TENM2: variants seen among roughly 807,000 people sequenced by gnomAD.
TENM2 encodes the protein teneurin-2.
TENM2 carries 52 observed loss-of-function variants against 245.2 expected under a neutral mutation model. The ratio of observed to expected loss-of-function variants is 0.21; its 90% CI spans 0.17 to 0.27. The LOEUF is 0.27. Ranked by LOEUF, TENM2 falls within the 10% of genes least tolerant of loss-of-function variation. TENM2 has a pLI of 1.00. For missense variants in TENM2, 3,046 were observed against 3,666.8 expected, an observed-to-expected ratio of 0.83 and a Z score of 4.37; for synonymous variants, 1,363 against 1,438.9, an observed-to-expected ratio of 0.95 and a Z score of 1.19.
intron 2 of TENM2, among the ~76,000 whole-genome samples, chr5:167,481,379 A>C (rs2127529055): frequency 6.6e-6 from 1 of 152,278 alleles, no homozygotes; most frequent in Middle Eastern, 3.4e-3. Flanking sequence ...AAAAATCAAA[A>C]CTGGAATAAT....
At chr5:168,224,038 A>T (rs1200085798) in intron 23 of TENM2, among the ~76,000 whole-genome samples, 1 of 152,156 alleles carries the variant, frequency 6.6e-6, no homozygotes, top group Non-Finnish European at 1.5e-5. Context: ...TGATGGCTTC[A>T]TAGGTTTCTA....
chr5:168,083,305 G>A (rs530534939), intron 7 of TENM2, among the ~76,000 whole-genome samples: 19 of 152,320 alleles, frequency 1.2e-4, no homozygotes, highest in Admixed American at 2.0e-4. Flanking sequence ...TTGGAAAAGC[G>A]CAGTATTAGG....
At chr5:167,427,509 GGGAA>G (rs1324293430) in intron 2 of TENM2, among the ~76,000 whole-genome samples, 1 of 149,272 alleles carries the variant, frequency 6.7e-6, no homozygotes, top group Non-Finnish European at 1.5e-5. Context: ...AGAGAAGGAA[GGGAA>G]GGAAGGGAGG....
At chr5:167,718,170 G>A (rs1035396288) in intron 2 of TENM2, among the ~76,000 whole-genome samples, 12 of 152,100 alleles carry the variant, frequency 7.9e-5, no homozygotes, top group East Asian at 1.9e-4. Context: ...AGTCAAGCTC[G>A]GGGGATCTAT....
chr5:167,882,692 T>C lies in TENM2; in HGVS notation c.712+6497T>C, dbSNP rs1487141114. Among the ~76,000 whole-genome samples, 4 of 152,142 alleles carry C rather than the reference T, an allele frequency of 2.6e-5. No individual in the cohort carries two copies. In the East Asian group the frequency reaches 7.7e-4, roughly 29 times the overall value. ...GCCAGATGCCTATAAAACCATCAGA[T>C]CTCATGAGACTCACTCACTATCATG... On this transcript the variant is annotated intron_variant, in intron 3 of 28. Transcript: ENST00000518659.
chr5:167,512,743 C>T (rs987568127), intron 2 of TENM2, among the ~76,000 whole-genome samples: 2 of 152,156 alleles, frequency 1.3e-5, no homozygotes, highest in South Asian at 4.1e-4. Flanking sequence ...TCAGAATTAC[C>T]TATGGAACTC....
intron 5 of TENM2, among the ~76,000 whole-genome samples, chr5:168,013,016 A>T (rs1472985943): frequency 6.6e-6 from 1 of 152,096 alleles, no homozygotes; most frequent in East Asian, 1.9e-4. Flanking sequence ...TATCACATCC[A>T]CCTTCAAAGG....
intron 2 of TENM2, among the ~76,000 whole-genome samples, chr5:167,559,256 A>G (rs1773440937): frequency 6.6e-6 from 1 of 152,122 alleles, no homozygotes; most frequent in Non-Finnish European, 1.5e-5. Context: ...CCAGCAAATC[A>G]TCCCTCCGTT....
intron 1 of TENM2, among the ~76,000 whole-genome samples, chr5:167,338,707 C>T (rs546693346): frequency 2.6e-5 from 4 of 152,240 alleles, no homozygotes; most frequent in Admixed American, 1.3e-4. Flanking sequence ...GGTCTTTTGT[C>T]AAAGAAGCAG....
chr5:167,156,848 C>T, the TENM2 span, among the ~76,000 whole-genome samples: 4 of 152,262 alleles, frequency 2.6e-5, no homozygotes, highest in East Asian at 1.9e-4. Flanking sequence ...GTCTTGGCAC[C>T]GCTTGTTTCT....
chr5:168,247,833 C>T lies in TENM2; in HGVS notation c.6894C>T (p.Val2298=), dbSNP rs747209026. ...ACAACAAGGCCAGCGGGTGGAGTGT[C>T]CAGTACCGCTATGATGGCGTAGGAC... Residue 2298 remains valine, a synonymous_variant, in exon 27 of 29, where the codon GTC becomes GTT. Transcript: ENST00000518659. The surrounding 1 kb of genome is among the most constrained non-coding windows in gnomAD (Gnocchi z 7.8). The T allele has an allele frequency of 2.5e-6, 4 of 1,613,996 alleles. No individual in the cohort carries two copies. Among genetic ancestry groups the T allele is most frequent in the Non-Finnish European group, 3.4e-6 (4 of 1,179,888 alleles).
intron 24 of TENM2, among the ~76,000 whole-genome samples, chr5:168,226,870 T>TTTAA (rs535928039): frequency 6.6e-6 from 1 of 152,200 alleles, no homozygotes; most frequent in Non-Finnish European, 1.5e-5. Context: ...TAATTTTTCT[T>TTTAA]TTAATTAAGA....
At chr5:168,256,037 C>G (rs11134498) in intron 27 of TENM2, among the ~76,000 whole-genome samples, 54,436 of 151,768 alleles carry the variant, frequency 0.36, 12,096 homozygotes, top group Non-Finnish European at 0.48. Context: ...AACTCCTGAC[C>G]TCGTGATCTG....
At chr5:167,033,434 G>A in the TENM2 span, among the ~76,000 whole-genome samples, 1 of 152,102 alleles carries the variant, frequency 6.6e-6, no homozygotes, top group African/African-American at 2.4e-5. Context: ...CTGTGATTTG[G>A]GCTGTGTGCT....
intron 5 of TENM2, among the ~76,000 whole-genome samples, chr5:168,019,106 A>G (rs1785919234): frequency 6.6e-6 from 1 of 152,160 alleles, no homozygotes; most frequent in South Asian, 2.1e-4. Flanking sequence ...TAAGAACACC[A>G]AGTGCAGTGA....
intron 2 of TENM2, among the ~76,000 whole-genome samples, chr5:167,617,265 T>C (rs1170310874): frequency 6.6e-6 from 1 of 152,132 alleles, no homozygotes; most frequent in Non-Finnish European, 1.5e-5. Context: ...CACAAATGTG[T>C]GCATGTAAAA....
intron 5 of TENM2, among the ~76,000 whole-genome samples, chr5:168,026,834 T>C (rs1337233761): frequency 6.6e-6 from 1 of 152,106 alleles, no homozygotes; most frequent in African/African-American, 2.4e-5. Context: ...CAGGTTCTGC[T>C]TACACCACAG....
chr5:167,034,263 A>G, the TENM2 span, among the ~76,000 whole-genome samples: 1 of 152,234 alleles, frequency 6.6e-6, no homozygotes, highest in Non-Finnish European at 1.5e-5. Context: ...ATTGTCCTGC[A>G]TTGGTATCCC....
At chr5:168,106,666 C>T (rs979735888) in intron 9 of TENM2, among the ~76,000 whole-genome samples, 5 of 152,132 alleles carry the variant, frequency 3.3e-5, no homozygotes, top group African/African-American at 1.2e-4. Flanking sequence ...GCAGCTTGTG[C>T]GATGGTTACA....
Sources: allele counts gnomAD v4.1 joint callset (sites outside exome capture counted in the v4.1 genomes callset), GRCh38; gene constraint gnomAD v4.1.1; non-coding constraint Gnocchi (gnomAD v3.1); transcripts MANE v1.5; gene names NCBI Gene and HGNC (gene_info 2026-07-23, HGNC 2026-07-21).